The following HNRNPL variants were observed in gnomAD, a reference collection of about 807,000 sequenced individuals.
The protein encoded by HNRNPL is epididymis secretory sperm binding protein.
Under a neutral mutation model 64.0 loss-of-function variants are expected in HNRNPL, and 12 were observed. That is an observed-to-expected ratio of 0.19 (90% CI 0.12 to 0.30). The LOEUF is 0.30. HNRNPL is among the 10% of genes least tolerant of loss of function. The probability of loss-of-function intolerance (pLI) is 1.00; values close to 1 mark genes in which losing one functional copy is unlikely to be tolerated. For synonymous variants in HNRNPL, 385 were observed against 313.0 expected (o/e 1.23, Z -2.43); for missense variants, 484 against 797.4 (o/e 0.61, Z 4.73).
rs1971998706 is a variant in HNRNPL, at chr19:38,838,380, A to G, written c.1557+17T>C. 2 of 1,597,984 alleles carry G rather than the reference A, an allele frequency of 1.3e-6. No individual in the cohort carries two copies. Among genetic ancestry groups the G allele is most frequent in the Non-Finnish European group, 1.7e-6 (2 of 1,166,672 alleles). On this transcript the variant is annotated intron_variant, in intron 10 of 12. Transcript: ENST00000221419. ...GTGGCAAGGACCCGACTGCCTGCGC[A>G]GCTCCACGGCACACACCTCAAAGAA...
intron 4 of HNRNPL, 165 bp downstream of exon 4, chr19:38,845,485 G>A (rs1972262999): frequency 6.2e-6 from 4 of 642,420 alleles, no homozygotes; most frequent in Non-Finnish European, 1.1e-5. Flanking sequence ...GATATGCCTG[G>A]TCCTTTAACT....
chr19:38,849,879 C>T lies in HNRNPL; in HGVS notation c.88G>A (p.Gly30Arg). The change falls in exon 1 of 13, where the codon GGA becomes AGA. Residue 30 changes from glycine to arginine, a missense_variant. By Grantham distance (125) the Gly-to-Arg change is moderately radical (BLOSUM62 -2). Around this residue, in one of 9 missense-constraint regions of HNRNPL, gnomAD observed 190 missense variants for 160.1 expected, o/e 1.19. Transcript: ENST00000221419. ...QQPDEQRRRSGAMVKMAAAGG... is the reference protein window; with the variant it reads ...QQPDEQRRRSRAMVKMAAAGG... ...GCCGCCGCCATCTTCACCATCGCTC[C>T]CGACCGCCTCCGCTGCTCGTCCGGC... 1 of 1,232,416 alleles carries T rather than the reference C, an allele frequency of 8.1e-7. No homozygotes were observed. The highest frequency in any genetic ancestry group is 1.1e-6 in the Non-Finnish European group (1 of 872,034). The allele number at this position is 1,232,416 out of a possible 1,614,324, so 76.3% of individuals were successfully genotyped here. A position where few individuals can be genotyped will look rare whatever the true frequency, so the allele number is the denominator to read the frequency against.
At chr19:38,848,972 G>A (rs958140820) in intron 1 of HNRNPL, among the ~76,000 whole-genome samples, 1 of 152,134 alleles carries the variant, frequency 6.6e-6, no homozygotes, top group African/African-American at 2.4e-5. Context: ...CAAAAGCAAC[G>A]ACTGGTGTTT....
At chr19:38,847,783 C>T (rs1218794574) in intron 1 of HNRNPL, among the ~76,000 whole-genome samples, 1 of 152,216 alleles carries the variant, frequency 6.6e-6, no homozygotes, top group Non-Finnish European at 1.5e-5. Flanking sequence ...AAAAGAGTAG[C>T]TGGAAAAGGA....
chr19:38,838,824 CT>C, intron 9 of HNRNPL, 69 bp downstream of exon 9: 1 of 1,602,110 alleles, frequency 6.2e-7, no homozygotes, highest in Non-Finnish European at 8.5e-7. Context: ...CTGTGCTCCT[CT>C]GCTGGGCCCC....
At chr19:38,842,184 A>AAGAT (rs1212252605) in intron 6 of HNRNPL, 1 of 153,320 alleles carries the variant, frequency 6.5e-6, no homozygotes, top group East Asian at 1.9e-4. Flanking sequence ...AAAAAATAAA[A>AAGAT]ATATCAAAAC....
chr19:38,840,479 T>C lies in HNRNPL; in HGVS notation c.952+9A>G, dbSNP rs753605911. 2.4e-5 allele frequency: 38 copies of C among 1,587,980 alleles called. No individual in the cohort carries two copies. The highest frequency in any genetic ancestry group is 3.2e-5 in the Non-Finnish European group (37 of 1,168,714). On this transcript the variant is annotated intron_variant, in intron 7 of 12. Transcript: ENST00000221419. Reference sequence around the variant, plus strand: ...CGGGAGTCCACGGAGGGGAACCCCCTGCCCTCACCATATTCTGCGGGGTGA... The same window carrying C: ...CGGGAGTCCACGGAGGGGAACCCCCCGCCCTCACCATATTCTGCGGGGTGA...
chr19:38,839,198 T>C, intron 8 of HNRNPL, 183 bp from the exon 9 acceptor site: 1 of 653,018 alleles, frequency 1.5e-6, no homozygotes, highest in South Asian at 1.9e-5. Flanking sequence ...AAGCAGAGCC[T>C]GGGCCATGTT....
chr19:38,838,042 A>T (rs1463085069), intron 10 of HNRNPL, among the ~76,000 whole-genome samples: 1 of 152,252 alleles, frequency 6.6e-6, no homozygotes, highest in Non-Finnish European at 1.5e-5. Flanking sequence ...TTCTGATGGT[A>T]TCAGGGTGAT....
At chr19:38,852,053 C>T (rs1271286477), upstream of HNRNPL, among the ~76,000 whole-genome samples, 3 of 150,446 alleles carry the variant, frequency 2.0e-5, no homozygotes, top group African/African-American at 7.3e-5. Flanking sequence ...CCCCTCCCCT[C>T]CCCGCCCCCG....
At chr19:38,839,148 A>T (rs1972026624) in intron 8 of HNRNPL, 133 bp from the exon 9 acceptor site, 12 of 1,142,696 alleles carry the variant, frequency 1.1e-5, no homozygotes, top group Non-Finnish European at 1.3e-6. Flanking sequence ...CCACTAGAAA[A>T]ACATGCCTGG....
At position 38,848,776 on chromosome 19, in the gene HNRNPL, T is replaced by C. The variant is rs563584947; in HGVS notation, c.267+924A>G. Among the ~76,000 whole-genome samples, 9 of 152,328 alleles carry C rather than the reference T, an allele frequency of 5.9e-5. No individual in the cohort carries two copies. The East Asian group carries it at 1.5e-3, about 26-fold the overall frequency. On this transcript the variant is annotated intron_variant, in intron 1 of 12. Coordinates refer to ENST00000221419, the MANE Select transcript of HNRNPL (RefSeq NM_001533.3). ...CATTTCCTCCTTTGTAAATCGGGAATCCCAGTATCTCCCCCAACCTCAGGA... is the reference window on the plus strand; with the variant it reads ...CATTTCCTCCTTTGTAAATCGGGAACCCCAGTATCTCCCCCAACCTCAGGA...
upstream of HNRNPL, among the ~76,000 whole-genome samples, chr19:38,851,592 G>A (rs115290465): frequency 1.3e-4 from 20 of 152,198 alleles, 1 homozygote; most frequent in Admixed American, 1.3e-3. Flanking sequence ...GTTGAGGTCC[G>A]GGTGGAAACT....
In HNRNPL at chr19:38,836,726, G is replaced by A. The variant is rs779022403; in HGVS notation, c.1766C>T (p.Ser589Phe). 9 of 1,607,906 alleles carry A rather than the reference G, an allele frequency of 5.6e-6. No homozygotes were observed. The Admixed American group carries it at 8.4e-5, about 15-fold the overall frequency. ...KLCFSTAQHA[S>F] The stretch of plus-strand genomic sequence containing the variant: ...GGACTCTTCCTAGGCACCTAATTAG[G>A]AGGCGTGCTGAGCAGTGGAGAAACA... The change falls in exon 13 of 13, where the codon TCC (serine) becomes TTC (phenylalanine). Residue 589 changes from serine to phenylalanine, a missense_variant. By Grantham distance (155) the Ser-to-Phe change is radical. Coordinates refer to ENST00000221419, the MANE Select transcript of HNRNPL (RefSeq NM_001533.3).
At chr19:38,843,785 A>G (rs768874041) in intron 6 of HNRNPL, 57 bp downstream of exon 6, 4 of 1,404,030 alleles carry the variant, frequency 2.8e-6, no homozygotes, top group Non-Finnish European at 4.0e-6. Flanking sequence ...TATTAAGTGC[A>G]CTAGTCGAGT....
At chr19:38,849,573 C>T (rs1243934585) in intron 1 of HNRNPL, 127 bp downstream of exon 1, 7 of 1,223,566 alleles carry the variant, frequency 5.7e-6, no homozygotes, top group East Asian at 6.3e-5. Context: ...GCCCCTCCCC[C>T]ACACCGTCAA....
rs1971931762 is a variant in HNRNPL, at chr19:38,836,498, G to A, written c.*224C>T. ...TCACATGTACAATAATTTTTTAAAA[G>A]TGAAGGTTAATCTTGGGAGATAACA... On this transcript the variant is annotated 3_prime_UTR_variant, in exon 13 of 13. Transcript: ENST00000221419. 1 of 394,024 alleles carries A rather than the reference G, an allele frequency of 2.5e-6. No homozygotes were observed. The highest frequency in any genetic ancestry group is 6.0e-5 in the South Asian group (1 of 16,530). 24.4% of individuals were successfully genotyped at this position (394,024 alleles called of 1,614,324 possible).
At position 38,837,869 on chromosome 19, in the gene HNRNPL, G is replaced by T. The variant is rs373071089; in HGVS notation, c.1558-218C>A. Among the ~76,000 whole-genome samples the T allele has an allele frequency of 1.6e-4, 25 of 152,292 alleles. No individual in the cohort carries two copies. The East Asian group carries it at 4.0e-3, about 25-fold the overall frequency. On this transcript the variant is annotated intron_variant, in intron 10 of 12. Transcript: ENST00000221419. Reference sequence around the variant, plus strand: ...CCTGAGACTGGGAAGCTGCTTTTTCGTTCCCAACTTCAACAGCTATGTGGA... The same window carrying T: ...CCTGAGACTGGGAAGCTGCTTTTTCTTTCCCAACTTCAACAGCTATGTGGA...
chr19:38,839,047 G>T (rs781665231), intron 8 of HNRNPL, 32 bp from the exon 9 acceptor site: 1 of 1,610,904 alleles, frequency 6.2e-7, no homozygotes, highest in East Asian at 2.2e-5. Flanking sequence ...CAGCACCTCT[G>T]TCCAGCTGCC....
Sources: gnomAD v4.1 joint callset for allele counts (sites outside exome capture counted in the v4.1 genomes callset) on GRCh38, gnomAD v4.1.1 for gene constraint, gnomAD v4.1.1 regional missense constraint, MANE v1.5 for transcripts, NCBI Gene and HGNC (gene_info 2026-07-23, HGNC 2026-07-21) for gene names.